The following ZNF653 variants were observed in gnomAD, a reference collection of about 807,000 sequenced individuals.
The protein encoded by ZNF653 is 67 kDa zinc finger protein.
ZNF653 carries 37 observed loss-of-function variants against 59.9 expected under a neutral mutation model. The ratio of observed to expected loss-of-function variants is 0.62; its 90% CI spans 0.48 to 0.81. The LOEUF (loss-of-function observed/expected upper bound fraction) is 0.81. Ranked by LOEUF, ZNF653 falls within the 40% of genes least tolerant of loss-of-function variation. The pLI, the probability that ZNF653 is intolerant of heterozygous loss-of-function variation, is 0.00. For missense variants in ZNF653, 808 were observed against 881.1 expected (o/e 0.92, Z 1.05); for synonymous variants, 435 against 371.8 (o/e 1.17, Z -1.96).
At chr19:11,498,666 A>T (rs1211261596) in intron 1 of ZNF653, among the ~76,000 whole-genome samples, 1 of 150,432 alleles carries the variant, frequency 6.6e-6, no homozygotes, top group Non-Finnish European at 1.5e-5. Context: ...CTGGTCTCGA[A>T]CTCCTGACCT....
rs758994918 is a variant in ZNF653, at chr19:11,487,634, C to A, written c.829G>T (p.Val277Leu). The change falls in exon 4 of 9, where the codon GTG becomes TTG. Residue 277 changes from valine (V) to leucine (L), a missense_variant. Transcript: ENST00000293771. This position sits in a 1 kb window ranked among gnomAD's most constrained non-coding sequence, Gnocchi z 5.1. Reference sequence around the variant, plus strand: ...ACTTGCACAGGCACCGGCACGCACACCACTGTCTCCAGGGCTTCAGGCCCA... The same window carrying A: ...ACTTGCACAGGCACCGGCACGCACAACACTGTCTCCAGGGCTTCAGGCCCA... ...GNGPEALETV[V>L]CVPVPVQVGA... The A allele has an allele frequency of 6.2e-7, 1 of 1,613,876 alleles. No individual in the cohort carries two copies. Among genetic ancestry groups the A allele is most frequent in the Admixed American group, 1.7e-5 (1 of 60,030 alleles).
chr19:11,493,931 A>G (rs751470452), intron 3 of ZNF653, among the ~76,000 whole-genome samples: 5 of 152,056 alleles, frequency 3.3e-5, no homozygotes, highest in Non-Finnish European at 7.4e-5. Context: ...GGGTGGGAGG[A>G]TCACTTGAGC....
At chr19:11,502,155 G>A (rs1323476264) in intron 1 of ZNF653, among the ~76,000 whole-genome samples, 4 of 151,050 alleles carry the variant, frequency 2.6e-5, no homozygotes, top group Admixed American at 6.6e-5. Context: ...ACAGTGGCGC[G>A]ATCTCGGCTC....
At chr19:11,499,139 C>T (rs1971618348) in intron 1 of ZNF653, among the ~76,000 whole-genome samples, 1 of 152,230 alleles carries the variant, frequency 6.6e-6, no homozygotes, top group Non-Finnish European at 1.5e-5. Flanking sequence ...TAGCATCATC[C>T]ACCTCAAGGA....
intron 3 of ZNF653, among the ~76,000 whole-genome samples, chr19:11,492,940 T>A (rs768697731): frequency 9.9e-5 from 15 of 152,096 alleles, no homozygotes; most frequent in Non-Finnish European, 1.5e-5. Context: ...AGAGACCGGG[T>A]TTTGCCATGT....
Position 11,483,673 on chromosome 19 carries a change from T to G in ZNF653, c.*9A>C, listed in dbSNP as rs756357120. 3.1e-6 allele frequency: 5 copies of G among 1,605,882 alleles called. No individual in the cohort carries two copies. The East Asian group carries it at 1.1e-4, about 36-fold the overall frequency. On this transcript the variant is annotated 3_prime_UTR_variant, in exon 9 of 9. Transcript: ENST00000293771. ...ACGAATAAATAGGGGCGGTCAGTGG[T>G]CAGGTGGGTCAGGTGGGCTTGTGAT...
At chr19:11,489,290 C>G (rs1000843071) in intron 3 of ZNF653, among the ~76,000 whole-genome samples, 1 of 152,066 alleles carries the variant, frequency 6.6e-6, no homozygotes, top group Non-Finnish European at 1.5e-5. Flanking sequence ...ACCTCTACCT[C>G]CCAGGTTCAA....
In ZNF653 at chr19:11,495,012, C is replaced by G. The variant is rs567237579; in HGVS notation, c.559+938G>C. On this transcript the variant is annotated intron_variant, in intron 3 of 8. Coordinates refer to ENST00000293771, the MANE Select transcript of ZNF653 (RefSeq NM_138783.4). The surrounding 1 kb of genome is among the most constrained non-coding windows in gnomAD (Gnocchi z 4.9). Reference sequence around the variant, plus strand: ...CCTGGCCGACACTTGGTGGGACGGTCGTTGGCGGGGGCGCCCACCCGGAAC... The same window carrying G: ...CCTGGCCGACACTTGGTGGGACGGTGGTTGGCGGGGGCGCCCACCCGGAAC... 5.3e-5 allele frequency among the ~76,000 whole-genome samples: 8 copies of G among 152,308 alleles called. No individual in the cohort carries two copies. In the East Asian group the frequency reaches 1.5e-3, roughly 29 times the overall value.
intron 3 of ZNF653, among the ~76,000 whole-genome samples, chr19:11,492,551 T>C (rs1258946847): frequency 2.6e-5 from 4 of 152,134 alleles, no homozygotes; most frequent in African/African-American, 9.7e-5. Context: ...CTCACTATGT[T>C]GCCCAGGCTG....
Position 11,483,595 on chromosome 19 carries a change from C to A in ZNF653, c.*87G>T, listed in dbSNP as rs1971430313. ...GCCTCCTTCCGGCCCGCGGTCCGGG[C>A]GGCCCTCGCAGCTGTCCAGGCCCCG... On this transcript the variant is annotated 3_prime_UTR_variant, in exon 9 of 9. Coordinates refer to ENST00000293771, the MANE Select transcript of ZNF653 (RefSeq NM_138783.4). 2.0e-6 allele frequency: 3 copies of A among 1,501,362 alleles called. No individual in the cohort carries two copies. Among genetic ancestry groups the A allele is most frequent in the Non-Finnish European group, 2.7e-6 (3 of 1,118,978 alleles). 93.0% of individuals were successfully genotyped at this position (1,501,362 alleles called of 1,614,324 possible).
Position 11,486,841 on chromosome 19 carries a change from G to A in ZNF653, c.1383C>T (p.Asp461=), listed in dbSNP as rs773032484. 28 of 1,611,998 alleles carry A rather than the reference G, an allele frequency of 1.7e-5. No individual in the cohort carries two copies. The Middle Eastern group carries it at 6.6e-4, about 38-fold the overall frequency. ...RSKRSRVMDA[D]GLLEMFHCPY... is the part of the protein sequence containing the mutation. Reference sequence around the variant, plus strand: ...GGCAGTGGAACATCTCGAGCAGGCCGTCAGCATCCATCACCCGCGACCGCT... The same window carrying A: ...GGCAGTGGAACATCTCGAGCAGGCCATCAGCATCCATCACCCGCGACCGCT... The change falls in exon 6 of 9, where the codon GAC becomes GAT. Residue 461 remains aspartate, a synonymous_variant. Coordinates refer to ENST00000293771, the MANE Select transcript of ZNF653 (RefSeq NM_138783.4).
intron 1 of ZNF653, among the ~76,000 whole-genome samples, chr19:11,503,797 C>A (rs1395018452): frequency 6.6e-6 from 1 of 151,688 alleles, no homozygotes; most frequent in Admixed American, 6.6e-5. Flanking sequence ...CAAAGTGAGA[C>A]CCTGTCTCAA....
At chr19:11,503,822 G>A (rs192852618) in intron 1 of ZNF653, among the ~76,000 whole-genome samples, 44 of 151,040 alleles carry the variant, frequency 2.9e-4, no homozygotes, top group African/African-American at 1.0e-3. Context: ...AAACAAACAG[G>A]GCTGGGCACA....
intron 2 of ZNF653, 108 bp downstream of exon 2, chr19:11,498,188 T>C (rs1331240142): frequency 1.3e-6 from 2 of 1,494,762 alleles, no homozygotes; most frequent in Non-Finnish European, 1.9e-6. Context: ...GCTCTGCTGG[T>C]TCCAACTGTG....
At chr19:11,491,168 C>G (rs1039382376) in intron 3 of ZNF653, among the ~76,000 whole-genome samples, 3 of 152,204 alleles carry the variant, frequency 2.0e-5, no homozygotes, top group Non-Finnish European at 2.9e-5. Context: ...GTGAAAGAAG[C>G]AGGCCAGCTA....
chr19:11,488,663 T>C (rs1265310990), intron 3 of ZNF653, among the ~76,000 whole-genome samples: 2 of 150,920 alleles, frequency 1.3e-5, no homozygotes, highest in Non-Finnish European at 2.9e-5. Flanking sequence ...AGTGGCGCAA[T>C]ATTGGCTCAC....
rs149037386 is a variant in ZNF653 at position 11,484,126 on chromosome 19, G to A, written c.1586C>T (p.Thr529Ile). 3 of 1,553,766 alleles carry A rather than the reference G, an allele frequency of 1.9e-6. No homozygotes were observed. Among genetic ancestry groups the A allele is most frequent in the Admixed American group, 2.0e-5 (1 of 51,250 alleles). ...GAAGGACTTGCCGCAGGTCTCGCAG[G>A]TGAATTCACGGACACCTGGGGGCGG... The part of the protein sequence containing the change: ...MIIHSGVREF[T>I]CETCGKSFKR... The change falls in exon 8 of 9, where the codon ACC (threonine) becomes ATC (isoleucine). Residue 529 changes from threonine (T) to isoleucine (I), a missense_variant. By Grantham distance (89) the Thr-to-Ile change is moderately conservative. Coordinates refer to ENST00000293771, the MANE Select transcript of ZNF653 (RefSeq NM_138783.4).
Position 11,483,842 on chromosome 19 carries a change from T to TA in ZNF653, c.1687dup (p.Tyr563LeufsTer132). The stretch of plus-strand genomic sequence containing the variant: ...GAGCGACGCGCGCTGCCGGCACTGG[T>TA]AGCCACAGATCTCGCACCTGCCGGG... On this transcript the variant is annotated frameshift_variant, in exon 9 of 9. Coordinates refer to ENST00000293771, the MANE Select transcript of ZNF653 (RefSeq NM_138783.4). LOFTEE classifies it high-confidence loss of function. 1 of 1,593,284 alleles carries TA rather than the reference T, an allele frequency of 6.3e-7. No individual in the cohort carries two copies.
At chr19:11,504,567 A>C in intron 1 of ZNF653, 1 of 985,380 alleles carries the variant, frequency 1.0e-6, no homozygotes, top group Non-Finnish European at 1.2e-6. Flanking sequence ...TGTCCTGGGA[A>C]AGGGGTGGGT....
Sources: gnomAD v4.1 joint callset for allele counts (sites outside exome capture counted in the v4.1 genomes callset) on GRCh38, gnomAD v4.1.1 for gene constraint, Gnocchi (gnomAD v3.1) non-coding constraint, MANE v1.5 for transcripts, NCBI Gene and HGNC (gene_info 2026-07-23, HGNC 2026-07-21) for gene names.